GPATCH8: variants seen among roughly 807,000 people sequenced by gnomAD.
GPATCH8 encodes G-patch domain containing 8.
GPATCH8 carries 18 observed loss-of-function variants against 118.3 expected under a neutral mutation model. The observed-to-expected ratio is 0.15, with a 90% CI of 0.11 to 0.23. GPATCH8 has a LOEUF of 0.23. Among genes scored for constraint, GPATCH8 ranks in the 10% least tolerant of loss-of-function variants. The probability of loss-of-function intolerance (pLI) is 1.00; values close to 1 mark genes in which losing one functional copy is unlikely to be tolerated. For missense variants in GPATCH8, 1,631 were observed against 1,873.8 expected, an observed-to-expected ratio of 0.87 and a Z score of 2.39; for synonymous variants, 659 against 684.7, an observed-to-expected ratio of 0.96 and a Z score of 0.59.
chr17:44,395,756 G>C lies in GPATCH8; in HGVS notation c.*1812C>G, dbSNP rs1290484907. On this transcript the variant is annotated 3_prime_UTR_variant, in exon 8 of 8. Coordinates refer to ENST00000591680, the MANE Select transcript of GPATCH8 (RefSeq NM_001002909.4). ...AGGCAGGAACAGAGCCTTGGCCCAG[G>C]TAAGTATGGTTTTTCTTGTCAAGTG... 1 of 454,130 alleles carries C rather than the reference G, an allele frequency of 2.2e-6. No homozygotes were observed. The highest frequency in any genetic ancestry group is 1.6e-5 in the South Asian group (1 of 64,480). The allele number at this position is 454,130 out of a possible 1,614,324, so 28.1% of individuals were successfully genotyped here.
chr17:44,465,020 G>A (rs1219401866), intron 2 of GPATCH8: 1 of 154,976 alleles, frequency 6.5e-6, no homozygotes, highest in African/African-American at 2.4e-5. Context: ...AGTTATAAGT[G>A]TAAGACTGCC....
chr17:44,479,815 A>C (rs1384646363), intron 1 of GPATCH8, among the ~76,000 whole-genome samples: 1 of 152,026 alleles, frequency 6.6e-6, no homozygotes, highest in Non-Finnish European at 1.5e-5. Flanking sequence ...AAAAATACAA[A>C]AATTAGCCGG....
intron 3 of GPATCH8, among the ~76,000 whole-genome samples, chr17:44,457,301 T>A (rs938028987): frequency 2.0e-5 from 3 of 152,208 alleles, no homozygotes; most frequent in African/African-American, 7.2e-5. Context: ...GAATGTACCA[T>A]TTTAATATTT....
chr17:44,434,130 TAAA>T (rs893150376), intron 5 of GPATCH8, among the ~76,000 whole-genome samples: 20 of 150,742 alleles, frequency 1.3e-4, no homozygotes, highest in African/African-American at 4.9e-4. Flanking sequence ...ACTCAGTCTT[TAAA>T]AAAAATAATA....
chr17:44,398,812 T>G lies in GPATCH8; in HGVS notation c.3265A>C (p.Thr1089Pro). The G allele has an allele frequency of 6.2e-7, 1 of 1,614,076 alleles. No individual in the cohort carries two copies. The highest frequency in any genetic ancestry group is 1.1e-5 in the South Asian group (1 of 91,080). Residue 1089 changes from threonine to proline, a missense_variant, in exon 8 of 8, where the codon ACT becomes CCT. This residue lies in a region of GPATCH8 where 922 missense variants were observed against 879.7 expected (regional missense o/e 1.05). Coordinates refer to ENST00000591680, the MANE Select transcript of GPATCH8 (RefSeq NM_001002909.4). ...DCSPEDKNSVTAKLLLEKIQS... is the reference protein window; with the variant it reads ...DCSPEDKNSVPAKLLLEKIQS... ...ATCTTCTCCAGTAGCAGTTTGGCAG[T>G]GACAGAGTTCTTGTCTTCAGGACTG...
chr17:44,469,970 T>C (rs1967139785), intron 2 of GPATCH8, among the ~76,000 whole-genome samples: 1 of 152,112 alleles, frequency 6.6e-6, no homozygotes, highest in Non-Finnish European at 1.5e-5. Flanking sequence ...TACTTCCAAA[T>C]CCTTAAGATG....
chr17:44,460,469 G>GAATGA (rs2051502468), intron 3 of GPATCH8, among the ~76,000 whole-genome samples: 1 of 152,146 alleles, frequency 6.6e-6, no homozygotes, highest in Non-Finnish European at 1.5e-5. Context: ...TCCTGCCACA[G>GAATGA]ATAACTTCAT....
intron 1 of GPATCH8, among the ~76,000 whole-genome samples, chr17:44,503,032 C>A (rs1401865727): frequency 6.6e-6 from 1 of 152,214 alleles, no homozygotes; most frequent in East Asian, 1.9e-4. Flanking sequence ...TCGGGCAGAC[C>A]TGGAGGGCAC....
intron 6 of GPATCH8, among the ~76,000 whole-genome samples, chr17:44,421,573 C>A (rs2049904069): frequency 6.6e-6 from 1 of 151,790 alleles, no homozygotes; most frequent in Non-Finnish European, 1.5e-5. Flanking sequence ...GCCATGTTGG[C>A]CAGGCTGGTC....
intron 1 of GPATCH8, among the ~76,000 whole-genome samples, chr17:44,487,922 C>CTT (rs1243028763): frequency 7.2e-4 from 98 of 135,932 alleles, no homozygotes; most frequent in Admixed American, 9.0e-4. Flanking sequence ...AACCAATTAG[C>CTT]TTTTTTTTTT....
chr17:44,429,649 AACACACACACACACACACAC>A (rs144232073), intron 5 of GPATCH8, among the ~76,000 whole-genome samples: 1 of 125,614 alleles, frequency 8.0e-6, no homozygotes, highest in Non-Finnish European at 1.7e-5. Flanking sequence ...GTCTCTACTA[AACACACACACACACACACAC>A]ACACACACAC....
At position 44,398,815 on chromosome 17, in the gene GPATCH8, C is replaced by G; in HGVS notation, c.3262G>C (p.Val1088Leu). ...TTCTCCAGTAGCAGTTTGGCAGTGACAGAGTTCTTGTCTTCAGGACTGCAG... is the reference window on the plus strand; with the variant it reads ...TTCTCCAGTAGCAGTTTGGCAGTGAGAGAGTTCTTGTCTTCAGGACTGCAG... ...GDCSPEDKNS[V>L]TAKLLLEKIQ... The change falls in exon 8 of 8, where the codon GTC (valine) becomes CTC (leucine). Residue 1088 changes from valine (V) to leucine (L), a missense_variant. Val to Leu is a conservative substitution (Grantham distance 32, BLOSUM62 1). This residue lies in a region of GPATCH8 where 922 missense variants were observed against 879.7 expected (regional missense o/e 1.05). Transcript: ENST00000591680. 1.2e-6 allele frequency: 2 copies of G among 1,614,086 alleles called. No individual in the cohort carries two copies. The highest frequency in any genetic ancestry group is 1.7e-6 in the Non-Finnish European group (2 of 1,179,976).
At chr17:44,422,921 A>G (rs962640690) in intron 6 of GPATCH8, among the ~76,000 whole-genome samples, 6 of 152,086 alleles carry the variant, frequency 3.9e-5, no homozygotes, top group African/African-American at 1.4e-4. Context: ...GTCTATATAT[A>G]TATGCTCTAT....
At chr17:44,423,694 G>C (rs1047054838) in intron 6 of GPATCH8, among the ~76,000 whole-genome samples, 23 of 151,988 alleles carry the variant, frequency 1.5e-4, no homozygotes, top group Non-Finnish European at 3.2e-4. Context: ...TCTCCCAGGG[G>C]GATTATTGCC....
chr17:44,503,351 C>A lies in GPATCH8; in HGVS notation c.20G>T (p.Arg7Leu). 6.2e-7 allele frequency: 1 copy of A among 1,610,378 alleles called. No individual in the cohort carries two copies. The change falls in exon 1 of 8, where the codon CGC (arginine) becomes CTC (leucine). Residue 7 changes from arginine (R) to leucine (L), a missense_variant. Transcript: ENST00000591680. The part of the protein sequence containing the change: MADRFS[R>L]FNEDRDFQGN... ...CTGAAAGTCTCGGTCTTCGTTGAAG[C>A]GGGAGAAGCGGTCCGCCATTTTGCC...
chr17:44,482,179 T>C (rs1703712944), intron 1 of GPATCH8, among the ~76,000 whole-genome samples: 1 of 148,284 alleles, frequency 6.7e-6, no homozygotes, highest in South Asian at 2.1e-4. Context: ...TGAGAACACA[T>C]GGACACAGGG....
At chr17:44,485,872 C>T (rs763612589) in intron 1 of GPATCH8, among the ~76,000 whole-genome samples, 4 of 152,128 alleles carry the variant, frequency 2.6e-5, no homozygotes, top group Non-Finnish European at 4.4e-5. Flanking sequence ...TATATAAGAA[C>T]ATTTTCTAGT....
At position 44,399,175 on chromosome 17, in the gene GPATCH8, T is replaced by G. The variant is rs770576576; in HGVS notation, c.2902A>C (p.Ser968Arg). Residue 968 changes from serine to arginine, a missense_variant, in exon 8 of 8, where the codon AGT becomes CGT. Around this residue, in one of 8 missense-constraint regions of GPATCH8, gnomAD observed 922 missense variants for 879.7 expected, o/e 1.05. Transcript: ENST00000591680. ...GRSRSSSCSR[S>R]RSKRRSRSTT... is the part of the protein sequence containing the mutation. ...CTACGGCTTCTCCGCTTGCTTCGAC[T>G]ACGACTACAACTGCTGCTGCGGCTG... 5.6e-6 allele frequency: 9 copies of G among 1,611,446 alleles called. No individual in the cohort carries two copies. In the South Asian group the frequency reaches 6.6e-5, roughly 12 times the overall value.
chr17:44,458,744 G>A (rs145361941), intron 3 of GPATCH8, among the ~76,000 whole-genome samples: 339 of 152,228 alleles, frequency 2.2e-3, no homozygotes, highest in African/African-American at 7.7e-3. Flanking sequence ...AGCTGGTCTT[G>A]AACCCTTGGC....
Sources: gnomAD v4.1 joint callset for allele counts (sites outside exome capture counted in the v4.1 genomes callset) on GRCh38, gnomAD v4.1.1 for gene constraint, gnomAD v4.1.1 regional missense constraint, MANE v1.5 for transcripts, NCBI Gene and HGNC (gene_info 2026-07-23, HGNC 2026-07-21) for gene names.